The following ESYT1 variants were observed in gnomAD, a reference collection of about 807,000 sequenced individuals.
The protein encoded by ESYT1 is extended synaptotagmin-1.
A neutral mutation model predicts 154.2 loss-of-function variants in ESYT1; 116 were observed. The ratio of observed to expected loss-of-function variants is 0.75; its 90% confidence interval spans 0.65 to 0.88. The LOEUF (loss-of-function observed/expected upper bound fraction) is 0.88, where lower values mean the gene tolerates loss of function less well. Ranked by LOEUF, ESYT1 falls within the 40% of genes least tolerant of loss-of-function variation. The probability of loss-of-function intolerance (pLI) is 0.00; values close to 1 mark genes in which losing one functional copy is unlikely to be tolerated. For missense variants in ESYT1, 1,264 were observed against 1,379.3 expected, an observed-to-expected ratio of 0.92 and a Z score of 1.32; for synonymous variants, 500 against 539.9, an observed-to-expected ratio of 0.93 and a Z score of 1.02.
At chr12:56,133,947 C>T (rs973882448) in intron 13 of ESYT1, 74 bp downstream of exon 13, 1 of 1,551,144 alleles carries the variant, frequency 6.4e-7, no homozygotes, top group Admixed American at 1.7e-5. Context: ...ATGCAAATGT[C>T]CCTGCCTGCT....
Position 56,128,525 on chromosome 12 carries a change from A to G in ESYT1, c.206A>G (p.Tyr69Cys). 1 of 1,612,782 alleles carries G rather than the reference A, an allele frequency of 6.2e-7. No individual in the cohort carries two copies. The highest frequency in any genetic ancestry group is 2.2e-5 in the East Asian group (1 of 44,852). ...GRRLLVLIPVYLAGAVGLSVG... is the reference protein window; with the variant it reads ...GRRLLVLIPVCLAGAVGLSVG... ...CGGTTGCTGGTGCTGATACCTGTGTATTTGGCCGGGGCAGTGGGACTCAGC... is the reference window on the plus strand; with the variant it reads ...CGGTTGCTGGTGCTGATACCTGTGTGTTTGGCCGGGGCAGTGGGACTCAGC... Residue 69 changes from tyrosine to cysteine, a missense_variant, in exon 1 of 31, where the codon TAT (tyrosine) becomes TGT (cysteine). Coordinates refer to ENST00000394048, the MANE Select transcript of ESYT1 (RefSeq NM_015292.3).
intron 24 of ESYT1, among the ~76,000 whole-genome samples, chr12:56,140,608 C>T (rs1010975896): frequency 1.3e-5 from 2 of 152,194 alleles, no homozygotes; most frequent in Non-Finnish European, 2.9e-5. Context: ...AAGTGATCCA[C>T]TGCCTCGGCC....
rs540220340 is a variant in ESYT1 at position 56,132,868 on chromosome 12, C to T, written c.1244+67C>T. 1,484 of 1,422,876 alleles carry T rather than the reference C, an allele frequency of 1.0e-3. 15 individuals are homozygous for T. The African/African-American group carries it at 0.018, about 17-fold the overall frequency. 88.1% of individuals were successfully genotyped at this position (1,422,876 alleles called of 1,614,324 possible). A position where few individuals can be genotyped will look rare whatever the true frequency, so the allele number is the denominator to read the frequency against. On this transcript the variant is annotated intron_variant, in intron 10 of 30. Coordinates refer to ENST00000394048, the MANE Select transcript of ESYT1 (RefSeq NM_015292.3). Reference sequence around the variant, plus strand: ...AGGCACGGTGGCTCATGCCTGTAATCCCAGCACTTTGGGAGGCTGAGGCGG... The same window carrying T: ...AGGCACGGTGGCTCATGCCTGTAATTCCAGCACTTTGGGAGGCTGAGGCGG...
At chr12:56,139,576 CCT>C (rs1870606238) in intron 24 of ESYT1, among the ~76,000 whole-genome samples, 1 of 126,656 alleles carries the variant, frequency 7.9e-6, no homozygotes, top group Admixed American at 9.0e-5. Context: ...TTAGATGACC[CCT>C]GAGCTTGAGG....
In ESYT1 at chr12:56,137,480, C is replaced by A. The variant is rs190041269; in HGVS notation, c.1939-19C>A. ...TCTCTCTCCCTTTGCCATCTGGCACCCCCCCGTCCCTTTTGCAGCATGTGC... is the reference window on the plus strand; with the variant it reads ...TCTCTCTCCCTTTGCCATCTGGCACACCCCCGTCCCTTTTGCAGCATGTGC... On this transcript the variant is annotated intron_variant, in intron 17 of 30. Coordinates refer to ENST00000394048, the MANE Select transcript of ESYT1 (RefSeq NM_015292.3). 3.1e-6 allele frequency: 5 copies of A among 1,607,934 alleles called. No homozygotes were observed. The highest frequency in any genetic ancestry group is 8.5e-7 in the Non-Finnish European group (1 of 1,175,612).
Position 56,138,456 on chromosome 12 carries a change from C to T in ESYT1, c.2390C>T (p.Ala797Val), listed in dbSNP as rs376539194. ...IQTQKSAELA[A>V]ALLSIYMERA... Reference sequence around the variant, plus strand: ...ACTCAGAAGAGTGCGGAGCTGGCTGCGGCCCTGCTATCCATCTATATGGAG... The same window carrying T: ...ACTCAGAAGAGTGCGGAGCTGGCTGTGGCCCTGCTATCCATCTATATGGAG... The change falls in exon 22 of 31, where the codon GCG becomes GTG. Residue 797 changes from alanine to valine, a missense_variant. Physicochemically the swap from Ala to Val is moderately conservative, Grantham distance 64 (BLOSUM62 0). Transcript: ENST00000394048. The T allele has an allele frequency of 2.0e-5, 33 of 1,612,464 alleles. No individual in the cohort carries two copies. The highest frequency in any genetic ancestry group is 1.6e-4 in the African/African-American group (12 of 74,922).
At position 56,133,176 on chromosome 12, in the gene ESYT1, G is replaced by A. The variant is rs960420615; in HGVS notation, c.1245-241G>A. ...AAGCCCATGCTACCGAGGTTCTGGA[G>A]GTAATTATACTCACTTTCTGGGCCT... On this transcript the variant is annotated intron_variant, in intron 10 of 30. Coordinates refer to ENST00000394048, the MANE Select transcript of ESYT1 (RefSeq NM_015292.3). Among the ~76,000 whole-genome samples the A allele has an allele frequency of 3.9e-5, 6 of 152,046 alleles. 1 individual carries two copies. Among genetic ancestry groups the A allele is most frequent in the Admixed American group, 1.3e-4 (2 of 15,262 alleles).
Position 56,128,589 on chromosome 12 carries a change from C to T in ESYT1, c.270C>T (p.Gly90=). The change falls in exon 1 of 31, where the codon GGC becomes GGT. Residue 90 remains glycine (G), a synonymous_variant. Transcript: ENST00000394048. Reference sequence around the variant, plus strand: ...TCTTCGGCCTCGCCCTCTACCTGGGCTGGCGCCGGGTCCGCGACGAGAAAG... The same window carrying T: ...TCTTCGGCCTCGCCCTCTACCTGGGTTGGCGCCGGGTCCGCGACGAGAAAG... ...FVLFGLALYL[G]WRRVRDEKER... is the part of the protein sequence containing the mutation. The T allele has an allele frequency of 1.2e-6, 2 of 1,614,112 alleles. No homozygotes were observed. The highest frequency in any genetic ancestry group is 2.7e-5 in the African/African-American group (2 of 75,074).
intron 24 of ESYT1, among the ~76,000 whole-genome samples, chr12:56,141,161 G>T (rs1451566862): frequency 3.9e-5 from 6 of 152,192 alleles, no homozygotes; most frequent in Non-Finnish European, 8.8e-5. Context: ...CCATCTTACA[G>T]GTGTGAACCA....
chr12:56,142,310 T>G lies in ESYT1; in HGVS notation c.2618T>G (p.Leu873Arg). The change falls in exon 25 of 31, where the codon CTG becomes CGG. Residue 873 changes from leucine (L) to arginine (R), a missense_variant. Transcript: ENST00000394048. The surrounding 1 kb of genome is among the most constrained non-coding windows in gnomAD (Gnocchi z 4.1). ...GTTCGGGGTGAGGGCACTGGCGTGC[T>G]GGGCTCATTATCCCTGCCCCTCTCA... The part of the protein sequence containing the change: ...LQVRGEGTGV[L>R]GSLSLPLSEL... 1 of 1,614,168 alleles carries G rather than the reference T, an allele frequency of 6.2e-7. No homozygotes were observed. Among genetic ancestry groups the G allele is most frequent in the Non-Finnish European group, 8.5e-7 (1 of 1,180,040 alleles).
rs868712037 is a variant in ESYT1, at chr12:56,143,247, CT to C, written c.3140del (p.Leu1047ArgfsTer34). The C allele has an allele frequency of 6.2e-7, 1 of 1,614,144 alleles. No individual in the cohort carries two copies. Among genetic ancestry groups the C allele is most frequent in the Non-Finnish European group, 8.5e-7 (1 of 1,180,022 alleles). The part of the protein sequence containing the change: ...FNERFEWELP[L>X]DEAQRRKLDV... ...CCCCAGGTTTGAGTGGGAACTCCCCCTGGATGAGGCCCAGAGACGAAAGCTG... is the reference window on the plus strand; with the variant it reads ...CCCCAGGTTTGAGTGGGAACTCCCCCGGATGAGGCCCAGAGACGAAAGCTG... On this transcript the variant is annotated frameshift_variant, in exon 29 of 31. Coordinates refer to ENST00000394048, the MANE Select transcript of ESYT1 (RefSeq NM_015292.3). LOFTEE classifies it high-confidence loss of function.
In ESYT1 at chr12:56,139,010, G is replaced by A. The variant is rs138457013; in HGVS notation, c.2589G>A (p.Leu863=). 1.9e-6 allele frequency: 3 copies of A among 1,611,992 alleles called. No individual in the cohort carries two copies. The highest frequency in any genetic ancestry group is 2.5e-6 in the Non-Finnish European group (3 of 1,178,080). Residue 863 remains leucine, a synonymous_variant, in exon 24 of 31, where the codon TTG becomes TTA. Coordinates refer to ENST00000394048, the MANE Select transcript of ESYT1 (RefSeq NM_015292.3). ...AACCACACACTGAGAGCCTAGAGTT[G>A]CAGGTACTGTAAATTCATTCTTCAA... The part of the protein sequence containing the change: ...IRKPHTESLE[L]QVRGEGTGVL...
In ESYT1 at chr12:56,128,506, C is replaced by T; in HGVS notation, c.187C>T (p.Leu63=). ...GCTGACTTCATTCGGGAGGCGGTTG[C>T]TGGTGCTGATACCTGTGTATTTGGC... is the stretch of plus-strand genomic sequence containing the variant. The part of the protein sequence containing the change: ...AVLTSFGRRL[L]VLIPVYLAGA... Residue 63 remains leucine (L), a synonymous_variant, in exon 1 of 31, where the codon CTG becomes TTG. Transcript: ENST00000394048. 1 of 1,611,928 alleles carries T rather than the reference C, an allele frequency of 6.2e-7. No homozygotes were observed. The highest frequency in any genetic ancestry group is 2.2e-5 in the East Asian group (1 of 44,818).
chr12:56,129,778 C>T (rs1446603477), intron 1 of ESYT1, among the ~76,000 whole-genome samples: 3 of 152,180 alleles, frequency 2.0e-5, no homozygotes, highest in Non-Finnish European at 4.4e-5. Context: ...AACACACACA[C>T]ACACCCCAAA....
At position 56,130,304 on chromosome 12, in the gene ESYT1, G is replaced by C. The variant is rs1057131124; in HGVS notation, c.391-278G>C. 5.6e-6 allele frequency: 3 copies of C among 532,234 alleles called. No individual in the cohort carries two copies. The African/African-American group carries it at 5.7e-5, about 10-fold the overall frequency. 33.0% of individuals were successfully genotyped at this position (532,234 alleles called of 1,614,324 possible). On this transcript the variant is annotated intron_variant, in intron 1 of 30. Transcript: ENST00000394048. ...AAGAATGCGCCCTTCTCCTCCTCCC[G>C]CTCCTCTCTCTCTCAGCAGCTGTCA... is the stretch of plus-strand genomic sequence containing the variant.
In ESYT1 at chr12:56,143,632, G is replaced by T; in HGVS notation, c.3275+3G>T. On this transcript the variant is annotated splice_donor_region_variant and intron_variant, in intron 30 of 30. Transcript: ENST00000394048. ...CTTTCCCAGGGTGTAGCCCGGTGGTGAGTGTCTGCGTGGGTGGGGGATGGT... is the reference window on the plus strand; with the variant it reads ...CTTTCCCAGGGTGTAGCCCGGTGGTTAGTGTCTGCGTGGGTGGGGGATGGT... 6.2e-7 allele frequency: 1 copy of T among 1,614,082 alleles called. No individual in the cohort carries two copies. The highest frequency in any genetic ancestry group is 8.5e-7 in the Non-Finnish European group (1 of 1,179,998).
At position 56,137,550 on chromosome 12, in the gene ESYT1, C is replaced by G. The variant is rs765983838; in HGVS notation, c.1990C>G (p.Arg664Gly). ...LEAQDLIAKD[R>G]FLGGLVKGKS... is the part of the protein sequence containing the mutation. ...GGCCCAGGACCTGATTGCCAAAGAC[C>G]GTTTCTTGGGGGGACTGGTGAAGGG... The change falls in exon 18 of 31, where the codon CGT becomes GGT. Residue 664 changes from arginine (R) to glycine (G), a missense_variant. Transcript: ENST00000394048. 6.2e-7 allele frequency: 1 copy of G among 1,614,114 alleles called. No individual in the cohort carries two copies. Among genetic ancestry groups the G allele is most frequent in the Admixed American group, 1.7e-5 (1 of 60,010 alleles).
In ESYT1 at chr12:56,128,666, C is replaced by G; in HGVS notation, c.347C>G (p.Thr116Ser). 1 of 1,614,150 alleles carries G rather than the reference C, an allele frequency of 6.2e-7. No homozygotes were observed. Among genetic ancestry groups the G allele is most frequent in the Non-Finnish European group, 8.5e-7 (1 of 1,180,036 alleles). The part of the protein sequence containing the change: ...RQLLDDEEQL[T>S]AKTLYMSHRE... ...CTACTGGACGACGAGGAGCAGCTCA[C>G]TGCGAAAACTCTCTATATGAGTCAT... is the stretch of plus-strand genomic sequence containing the variant. The change falls in exon 1 of 31, where the codon ACT becomes AGT. Residue 116 changes from threonine (T) to serine (S), a missense_variant. Thr to Ser is a moderately conservative substitution (Grantham distance 58, BLOSUM62 1). Coordinates refer to ENST00000394048, the MANE Select transcript of ESYT1 (RefSeq NM_015292.3).
At position 56,142,934 on chromosome 12, in the gene ESYT1, G is replaced by A. The variant is rs773224007; in HGVS notation, c.2987+1G>A. ...TGGTCAGCATTGTTCATGGTTGCCG[G>A]TGAGACCCCATCCCTCCTGTCCTCC... On this transcript the variant is annotated splice_donor_variant, in intron 27 of 30. Coordinates refer to ENST00000394048, the MANE Select transcript of ESYT1 (RefSeq NM_015292.3). LOFTEE classifies it high-confidence loss of function. The surrounding 1 kb of genome is among the most constrained non-coding windows in gnomAD (Gnocchi z 4.1). 1 of 1,614,096 alleles carries A rather than the reference G, an allele frequency of 6.2e-7. No homozygotes were observed. Among genetic ancestry groups the A allele is most frequent in the South Asian group, 1.1e-5 (1 of 91,088 alleles).
Sources: allele counts gnomAD v4.1 joint callset (sites outside exome capture counted in the v4.1 genomes callset), GRCh38; gene constraint gnomAD v4.1.1; non-coding constraint Gnocchi (gnomAD v3.1); transcripts MANE v1.5; gene names NCBI Gene and HGNC (gene_info 2026-07-23, HGNC 2026-07-21).